MACF1: variants seen among roughly 807,000 people sequenced by gnomAD.
The protein encoded by MACF1 is microtubule-actin cross-linking factor 1.
MACF1 carries 193 observed loss-of-function variants against 854.8 expected under a neutral mutation model. That is an observed-to-expected ratio of 0.23 (90% CI 0.20 to 0.25). MACF1 has a LOEUF of 0.25. MACF1 is among the 10% of genes least tolerant of loss of function. The pLI is 1.00. For synonymous variants in MACF1, 3,185 were observed against 3,226.7 expected (o/e 0.99, Z 0.44); for missense variants, 7,722 against 8,929.1 (o/e 0.86, Z 5.45).
At chr1:39,430,147 TA>T in intron 65 of MACF1, 79 bp downstream of exon 65, 1 of 1,472,744 alleles carries the variant, frequency 6.8e-7, no homozygotes, top group Non-Finnish European at 9.1e-7. Context: ...ACCTTTACCT[TA>T]AATATAAACT....
chr1:39,321,088 G>A (rs1236803266), intron 31 of MACF1, among the ~76,000 whole-genome samples: 4 of 152,232 alleles, frequency 2.6e-5, no homozygotes, highest in African/African-American at 9.6e-5. Context: ...CAGTGTGTGT[G>A]TATAGCACTC....
chr1:39,440,867 C>A, intron 72 of MACF1, 136 bp from the exon 73 acceptor site: 1 of 734,400 alleles, frequency 1.4e-6, no homozygotes, highest in Non-Finnish European at 2.3e-6. Context: ...GAGTCTGAAG[C>A]TTTAGTGTCC....
rs533427759 is a variant in MACF1, at chr1:39,126,647, C to T, written c.220+42209C>T. Among the ~76,000 whole-genome samples, 4 of 152,014 alleles carry T rather than the reference C, an allele frequency of 2.6e-5. No individual in the cohort carries two copies. The East Asian group carries it at 5.8e-4, about 22-fold the overall frequency. On this transcript the variant is annotated intron_variant, in intron 2 of 93. Coordinates refer to the MACF1 transcript ENST00000361689. ...TAAAAATACAAAAAAATTAGCTGGG[C>T]GTGGTGGTGGGTGCCTGTAATCCCA... is the stretch of plus-strand genomic sequence containing the variant.
At chr1:39,255,694 G>A (rs931898842) in intron 5 of MACF1, among the ~76,000 whole-genome samples, 2 of 152,184 alleles carry the variant, frequency 1.3e-5, no homozygotes, top group Non-Finnish European at 2.9e-5. Flanking sequence ...CTCTCATAAT[G>A]AATGGTCCTC....
Position 39,451,138 on chromosome 1 carries a change from A to G in MACF1, c.20345A>G (p.Glu6782Gly). 1.2e-6 allele frequency: 2 copies of G among 1,614,180 alleles called. No homozygotes were observed. The highest frequency in any genetic ancestry group is 2.2e-5 in the South Asian group (2 of 91,092). Residue 6782 changes from glutamate to glycine, a missense_variant, in exon 85 of 101, where the codon GAG (glutamate) becomes GGG (glycine). Physicochemically the swap from Glu to Gly is moderately conservative, Grantham distance 98. Transcript: ENST00000564288. ...QALVDWLYKV[E>G]PQLAEDQPVH... ...TTGGTTGACTGGTTATACAAGGTGG[A>G]GCCACAGCTGGCTGAGGACCAGCCC...
intron 58 of MACF1, chr1:39,412,309 A>G: frequency 6.2e-7 from 1 of 1,614,042 alleles, no homozygotes; most frequent in South Asian, 1.1e-5. Context: ...AACAGATGAA[A>G]TTCATTTGGA....
chr1:39,215,067 G>A (rs1483602840), intron 1 of MACF1, among the ~76,000 whole-genome samples: 3 of 152,268 alleles, frequency 2.0e-5, no homozygotes, highest in Non-Finnish European at 2.9e-5. Flanking sequence ...CCCTCTGTAC[G>A]CTCTATTGGT....
chr1:39,446,689 G>C (rs1644238445), intron 80 of MACF1, among the ~76,000 whole-genome samples: 1 of 152,126 alleles, frequency 6.6e-6, no homozygotes, highest in African/African-American at 2.4e-5. Context: ...CTAGTAGGGG[G>C]GCCAGAGGCA....
rs895384083 is a variant in MACF1, at chr1:39,212,543, C to G, written c.109+7412C>G. Among the ~76,000 whole-genome samples, 17 of 152,308 alleles carry G rather than the reference C, an allele frequency of 1.1e-4. 1 individual carries two copies. The highest frequency in any genetic ancestry group is 6.5e-4 in the Admixed American group (10 of 15,300). On this transcript the variant is annotated intron_variant, in intron 1 of 100. Coordinates refer to ENST00000564288, the MANE Select transcript of MACF1 (RefSeq NM_001394062.1). Reference sequence around the variant, plus strand: ...TAATTATTATTTTGATTTTTAGAGACTGTGAATTCAGTATTTCTAGAAGTT... The same window carrying G: ...TAATTATTATTTTGATTTTTAGAGAGTGTGAATTCAGTATTTCTAGAAGTT...
intron 44 of MACF1, among the ~76,000 whole-genome samples, chr1:39,356,376 ATT>A (rs370740349): frequency 2.1e-5 from 3 of 143,902 alleles, no homozygotes; most frequent in African/African-American, 2.5e-5. Flanking sequence ...AAGAACTTGC[ATT>A]TTTTTTTTTT....
intron 27 of MACF1, among the ~76,000 whole-genome samples, chr1:39,315,917 G>A (rs1646403318): frequency 6.6e-6 from 1 of 152,126 alleles, no homozygotes; most frequent in Non-Finnish European, 1.5e-5. Context: ...TTGCAGTGTT[G>A]GGACTATGAT....
chr1:39,316,385 C>T lies in MACF1; in HGVS notation c.3450-6C>T. The T allele has an allele frequency of 1.9e-6, 3 of 1,600,680 alleles. No homozygotes were observed. The highest frequency in any genetic ancestry group is 2.6e-6 in the Non-Finnish European group (3 of 1,171,950). ...TTAATGAAGGAATGTGTATTTGTCCCCACAGGTTAAAGACAGTTGATGTTA... is the reference window on the plus strand; with the variant it reads ...TTAATGAAGGAATGTGTATTTGTCCTCACAGGTTAAAGACAGTTGATGTTA... On this transcript the variant is annotated splice_polypyrimidine_tract_variant and splice_region_variant and intron_variant, in intron 27 of 100. Coordinates refer to ENST00000564288, the MANE Select transcript of MACF1 (RefSeq NM_001394062.1).
rs1646813495 is a variant in MACF1, at chr1:39,336,568, C to T, written c.9980C>T (p.Pro3327Leu). The T allele has an allele frequency of 6.2e-7, 1 of 1,614,022 alleles. No homozygotes were observed. The highest frequency in any genetic ancestry group is 1.1e-5 in the South Asian group (1 of 91,082). The change falls in exon 37 of 101, where the codon CCT becomes CTT. Residue 3327 changes from proline to leucine, a missense_variant. This residue lies in a region of MACF1 where 854 missense variants were observed against 852.6 expected (regional missense o/e 1.00). Coordinates refer to ENST00000564288, the MANE Select transcript of MACF1 (RefSeq NM_001394062.1). ...CCACAGGAAAAGCTCAGAGAAAGCC[C>T]TGGCAGTGAACAAACTCCCTTCATG... ...KTPQEKLRES[P>L]GSEQTPFMTA...
At chr1:39,480,485 C>T (rs549269726) in intron 98 of MACF1, among the ~76,000 whole-genome samples, 9 of 152,206 alleles carry the variant, frequency 5.9e-5, no homozygotes, top group Admixed American at 2.0e-4. Flanking sequence ...TAAATTTAGC[C>T]TAGCATGGTG....
rs763106376 is a variant in MACF1 at position 39,334,858 on chromosome 1, A to G, written c.8270A>G (p.Asn2757Ser). The G allele has an allele frequency of 3.1e-6, 5 of 1,614,214 alleles. No homozygotes were observed. The South Asian group carries it at 4.4e-5, about 14-fold the overall frequency. ...AGACTGATCAGCCCTGAACTGGCAA[A>G]TATGATCCAAATAGATAGTTCAGAG... ...EKRLISPELA[N>S]MIQIDSSEFS... Residue 2757 changes from asparagine to serine, a missense_variant, in exon 37 of 101, where the codon AAT becomes AGT. Asn to Ser is a conservative substitution (Grantham distance 46). Coordinates refer to ENST00000564288, the MANE Select transcript of MACF1 (RefSeq NM_001394062.1).
At chr1:39,140,963 A>G (rs1281664504) in intron 2 of MACF1, among the ~76,000 whole-genome samples, 1 of 149,752 alleles carries the variant, frequency 6.7e-6, no homozygotes, top group Non-Finnish European at 1.5e-5. Flanking sequence ...ACTGTTATAA[A>G]TGCTTTATGT....
At chr1:39,296,179 A>T (rs1447802555) in intron 20 of MACF1, among the ~76,000 whole-genome samples, 2 of 152,192 alleles carry the variant, frequency 1.3e-5, no homozygotes, top group Non-Finnish European at 2.9e-5. Context: ...CTGAAGCACC[A>T]ACCCATGTGT....
In MACF1 at chr1:39,353,028, G is replaced by C. The variant is rs1300134234; in HGVS notation, c.11221G>C (p.Ala3741Pro). Residue 3741 changes from alanine to proline, a missense_variant, in exon 44 of 101, where the codon GCA (alanine) becomes CCA (proline). Coordinates refer to ENST00000564288, the MANE Select transcript of MACF1 (RefSeq NM_001394062.1). ...TEKSKAAKEL[A>P]ENKKKIDALL... ...TCAGAGTAAAGCAGCAAAGGAACTG[G>C]CAGAGAACAAGAAGAAGATCGATGC... 1 of 1,613,724 alleles carries C rather than the reference G, an allele frequency of 6.2e-7. No individual in the cohort carries two copies. Among genetic ancestry groups the C allele is most frequent in the South Asian group, 1.1e-5 (1 of 91,062 alleles).
intron 6 of MACF1, among the ~76,000 whole-genome samples, chr1:39,259,226 A>G (rs1645129528): frequency 6.6e-6 from 1 of 152,194 alleles, no homozygotes; most frequent in African/African-American, 2.4e-5. Context: ...GGTGGGAGGT[A>G]AGGAGAATTT....
Sources: allele counts gnomAD v4.1 joint callset (sites outside exome capture counted in the v4.1 genomes callset), GRCh38; gene constraint gnomAD v4.1.1; regional missense constraint gnomAD v4.1.1; transcripts MANE v1.5; gene names NCBI Gene and HGNC (gene_info 2026-07-23, HGNC 2026-07-21).